The following KCNH7 variants were observed in gnomAD, a reference collection of about 807,000 sequenced individuals.
KCNH7 encodes the protein potassium voltage-gated channel subfamily H member 7.
A neutral mutation model predicts 120.8 loss-of-function variants in KCNH7; 49 were observed. That is an observed-to-expected ratio of 0.41 (90% CI 0.32 to 0.51). The LOEUF (loss-of-function observed/expected upper bound fraction) is 0.51. Among genes scored for constraint, KCNH7 ranks in the 20% least tolerant of loss-of-function variants. The probability of loss-of-function intolerance (pLI) is 0.38; values close to 1 mark genes in which losing one functional copy is unlikely to be tolerated. For synonymous variants in KCNH7, 547 were observed against 516.1 expected (o/e 1.06, Z -0.81); for missense variants, 1,097 against 1,446.6 (o/e 0.76, Z 3.92).
intron 2 of KCNH7, among the ~76,000 whole-genome samples, chr2:162,767,214 G>A (rs2105463835): frequency 6.6e-6 from 1 of 151,994 alleles, no homozygotes; most frequent in African/African-American, 2.4e-5. Flanking sequence ...ATGTTTAATT[G>A]TACATGTAGG....
At chr2:162,629,768 T>C (rs558708834) in intron 2 of KCNH7, among the ~76,000 whole-genome samples, 2 of 152,218 alleles carry the variant, frequency 1.3e-5, no homozygotes, top group Non-Finnish European at 2.9e-5. Context: ...GCAAATGCTA[T>C]AGATCAGGGG....
At chr2:162,485,650 G>A (rs549628065) in intron 6 of KCNH7, among the ~76,000 whole-genome samples, 1 of 152,282 alleles carries the variant, frequency 6.6e-6, no homozygotes, top group East Asian at 1.9e-4. Flanking sequence ...GAAAAAGAGA[G>A]GGAGAGAGAA....
chr2:162,658,629 G>A (rs73974034), intron 2 of KCNH7, among the ~76,000 whole-genome samples: 2,497 of 152,206 alleles, frequency 0.016, 41 homozygotes, highest in East Asian at 0.069. Flanking sequence ...CGTTTATTTA[G>A]CTCCTCTTTG....
intron 8 of KCNH7, among the ~76,000 whole-genome samples, chr2:162,427,619 G>A (rs1383539326): frequency 1.3e-5 from 2 of 151,668 alleles, no homozygotes; most frequent in Non-Finnish European, 2.9e-5. Flanking sequence ...TCTCGGTATT[G>A]AAAATATTTT....
intron 2 of KCNH7, among the ~76,000 whole-genome samples, chr2:162,810,979 T>C (rs1397616824): frequency 6.6e-6 from 1 of 152,156 alleles, no homozygotes; most frequent in East Asian, 1.9e-4. Flanking sequence ...CCTTTTTATT[T>C]CAGAAATTTT....
intron 9 of KCNH7, among the ~76,000 whole-genome samples, chr2:162,418,197 T>G (rs1049850889): frequency 6.6e-6 from 1 of 152,170 alleles, no homozygotes. Context: ...TATGTATTTA[T>G]AGAAAACCAA....
chr2:162,587,307 G>T (rs550948190), intron 2 of KCNH7, among the ~76,000 whole-genome samples: 1 of 152,004 alleles, frequency 6.6e-6, no homozygotes, highest in Admixed American at 6.6e-5. Context: ...AATATTGGAC[G>T]CAAACAAAAC....
At chr2:162,598,774 T>C (rs1314115838) in intron 2 of KCNH7, among the ~76,000 whole-genome samples, 3 of 152,146 alleles carry the variant, frequency 2.0e-5, no homozygotes, top group South Asian at 4.1e-4. Flanking sequence ...CAAGTTTTTA[T>C]TGCTTTACAG....
intron 2 of KCNH7, among the ~76,000 whole-genome samples, chr2:162,792,788 TG>T (rs2105522287): frequency 3.4e-5 from 5 of 149,056 alleles, no homozygotes; most frequent in African/African-American, 1.2e-4. Context: ...TGTGTGTGTG[TG>T]TGTGTGTGTG....
chr2:162,402,751 A>G (rs1255445032), intron 9 of KCNH7, among the ~76,000 whole-genome samples: 7 of 151,800 alleles, frequency 4.6e-5, no homozygotes, highest in African/African-American at 1.7e-4. Flanking sequence ...TTTTCCCTTA[A>G]GTATCCTTAA....
chr2:162,583,513 T>A (rs1039349371), intron 2 of KCNH7, among the ~76,000 whole-genome samples: 1 of 152,092 alleles, frequency 6.6e-6, no homozygotes, highest in Non-Finnish European at 1.5e-5. Context: ...AAAGAAAGTT[T>A]CTTAAATACG....
chr2:162,541,303 T>C (rs1559003989), intron 2 of KCNH7, among the ~76,000 whole-genome samples: 1 of 152,054 alleles, frequency 6.6e-6, no homozygotes, highest in Non-Finnish European at 1.5e-5. Context: ...TGGAAAACTA[T>C]GTGACCTGAG....
intron 2 of KCNH7, among the ~76,000 whole-genome samples, chr2:162,612,778 A>T (rs1389497398): frequency 6.6e-6 from 1 of 152,196 alleles, no homozygotes; most frequent in African/African-American, 2.4e-5. Flanking sequence ...AAACACAGAA[A>T]AGAACAATTT....
At chr2:162,374,853 T>A (rs1686105686) in intron 14 of KCNH7, among the ~76,000 whole-genome samples, 1 of 152,150 alleles carries the variant, frequency 6.6e-6, no homozygotes, top group African/African-American at 2.4e-5. Context: ...CTATGAATGA[T>A]ACATGACTTT....
At chr2:162,462,096 A>C (rs1322752039) in intron 6 of KCNH7, among the ~76,000 whole-genome samples, 3 of 152,108 alleles carry the variant, frequency 2.0e-5, no homozygotes, top group Non-Finnish European at 4.4e-5. Context: ...ATTTTTCTTA[A>C]CTCACATTGT....
At chr2:162,591,974 T>C (rs1694229518) in intron 2 of KCNH7, among the ~76,000 whole-genome samples, 1 of 152,128 alleles carries the variant, frequency 6.6e-6, no homozygotes, top group Admixed American at 6.6e-5. Context: ...ACTTTAAATG[T>C]TGAAGTAATC....
intron 2 of KCNH7, among the ~76,000 whole-genome samples, chr2:162,587,609 C>T (rs1412816666): frequency 6.6e-6 from 1 of 152,032 alleles, no homozygotes; most frequent in East Asian, 1.9e-4. Flanking sequence ...ATTGTGTCAT[C>T]CCAACCCTCT....
chr2:162,796,706 T>G (rs1461369594), intron 2 of KCNH7: 2 of 152,082 alleles, frequency 1.3e-5, no homozygotes, highest in Non-Finnish European at 2.9e-5. Context: ...TTTAACATGG[T>G]GCAAATATGA....
At chr2:162,436,433 A>G (rs1424576765) in intron 7 of KCNH7, among the ~76,000 whole-genome samples, 3 of 152,142 alleles carry the variant, frequency 2.0e-5, no homozygotes, top group Non-Finnish European at 4.4e-5. Flanking sequence ...GATATGTGTA[A>G]CTAATTGGGT....
Sources: gnomAD v4.1 joint callset for allele counts (sites outside exome capture counted in the v4.1 genomes callset) on GRCh38, gnomAD v4.1.1 for gene constraint, MANE v1.5 for transcripts, NCBI Gene and HGNC (gene_info 2026-07-23, HGNC 2026-07-21) for gene names.